ESRRG: variants seen among roughly 807,000 people sequenced by gnomAD.
ESRRG encodes the protein estrogen related receptor gamma, also known as estrogen-related receptor gamma.
ESRRG carries 13 observed loss-of-function variants against 44.0 expected under a neutral mutation model. The ratio of observed to expected loss-of-function variants is 0.30; its 90% CI spans 0.19 to 0.47. ESRRG has a LOEUF of 0.47. Among genes scored for constraint, ESRRG ranks in the 20% least tolerant of loss-of-function variants. ESRRG has a pLI of 1.00. For synonymous variants in ESRRG, 215 were observed against 214.6 expected, an observed-to-expected ratio of 1.00 and a Z score of -0.02; for missense variants, 395 against 580.6, an observed-to-expected ratio of 0.68 and a Z score of 3.29.
At chr1:216,876,960 G>A (rs977037084) in intron 2 of ESRRG, among the ~76,000 whole-genome samples, 1 of 147,614 alleles carries the variant, frequency 6.8e-6, no homozygotes, top group Non-Finnish European at 1.5e-5. Flanking sequence ...TGTCTGATTC[G>A]AGAATCTCTT....
chr1:217,117,464 A>G (rs1270593329), intron 1 of ESRRG, among the ~76,000 whole-genome samples: 1 of 152,080 alleles, frequency 6.6e-6, no homozygotes, highest in East Asian at 1.9e-4. Flanking sequence ...GCATGCCTGT[A>G]GTCCCAGGTA....
intron 1 of ESRRG, among the ~76,000 whole-genome samples, chr1:217,026,900 C>G (rs992674122): frequency 1.2e-5 from 1 of 86,290 alleles, no homozygotes; most frequent in East Asian, 3.2e-4. Flanking sequence ...CACACACACA[C>G]ACACACACAC....
intron 2 of ESRRG, among the ~76,000 whole-genome samples, chr1:216,797,939 T>C (rs2094518353): frequency 6.6e-6 from 1 of 152,078 alleles, no homozygotes; most frequent in African/African-American, 2.4e-5. Context: ...TCTATAGGGA[T>C]TATTTGGAAT....
chr1:216,656,907 G>T (rs78675395), intron 2 of ESRRG, among the ~76,000 whole-genome samples: 2,188 of 152,142 alleles, frequency 0.014, 49 homozygotes, highest in East Asian at 0.053. Flanking sequence ...TTATCCAGTT[G>T]CTTTTCAACA....
intron 2 of ESRRG, among the ~76,000 whole-genome samples, chr1:216,751,391 T>G (rs2091991735): frequency 6.6e-6 from 1 of 152,106 alleles, no homozygotes; most frequent in African/African-American, 2.4e-5. Context: ...TCATCATACT[T>G]CTGATTTATT....
At chr1:216,870,813 T>C (rs779027723) in intron 2 of ESRRG, among the ~76,000 whole-genome samples, 1 of 152,054 alleles carries the variant, frequency 6.6e-6, no homozygotes, top group Non-Finnish European at 1.5e-5. Context: ...ATCCTTTTAA[T>C]GGTTGTAGGA....
intron 2 of ESRRG, among the ~76,000 whole-genome samples, chr1:216,842,076 A>G (rs569201179): frequency 6.6e-6 from 1 of 152,326 alleles, no homozygotes; most frequent in African/African-American, 2.4e-5. Context: ...AGGCCAGAAG[A>G]TAAGCCTCTT....
chr1:216,733,811 CA>C (rs1435996734), intron 2 of ESRRG, among the ~76,000 whole-genome samples: 1 of 151,702 alleles, frequency 6.6e-6, no homozygotes, highest in Non-Finnish European at 1.5e-5. Context: ...ACAAACATAG[CA>C]AAACCCCGTC....
At chr1:216,705,999 C>T (rs1216921690) in intron 1 of ESRRG, among the ~76,000 whole-genome samples, 2 of 152,058 alleles carry the variant, frequency 1.3e-5, no homozygotes, top group African/African-American at 2.4e-5. Flanking sequence ...ATTGGCAAAT[C>T]CTTTACATGC....
chr1:216,652,693 T>C (rs2069301165), intron 2 of ESRRG, among the ~76,000 whole-genome samples: 2 of 152,094 alleles, frequency 1.3e-5, no homozygotes, highest in Admixed American at 1.3e-4. Context: ...AAACCAAGGA[T>C]AAGTCAAAGA....
intron 1 of ESRRG, among the ~76,000 whole-genome samples, chr1:216,693,672 G>A (rs1447592750): frequency 6.6e-6 from 1 of 152,232 alleles, no homozygotes; most frequent in Non-Finnish European, 1.5e-5. Context: ...AGGGAATAAT[G>A]GCAATTAAAA....
chr1:216,668,172 G>A (rs2074380909), intron 2 of ESRRG, among the ~76,000 whole-genome samples: 1 of 152,158 alleles, frequency 6.6e-6, no homozygotes, highest in African/African-American at 2.4e-5. Flanking sequence ...ACTTCTTCCA[G>A]ATCACTGTGA....
At chr1:217,040,065 G>A (rs2083568580) in intron 1 of ESRRG, among the ~76,000 whole-genome samples, 1 of 152,172 alleles carries the variant, frequency 6.6e-6, no homozygotes, top group East Asian at 1.9e-4. Context: ...GTAAGGTGAG[G>A]AATGGCAACA....
intron 1 of ESRRG, among the ~76,000 whole-genome samples, chr1:217,010,553 G>A (rs34096624): frequency 0.16 from 23,968 of 152,108 alleles, 2,470 homozygotes; most frequent in Admixed American, 0.22. Flanking sequence ...TAGAAAATCT[G>A]TTCAAATGAA....
intron 2 of ESRRG, among the ~76,000 whole-genome samples, chr1:216,753,052 A>T (rs2092172465): frequency 6.6e-6 from 1 of 152,056 alleles, no homozygotes; most frequent in Admixed American, 6.6e-5. Flanking sequence ...GATGAGGATG[A>T]TGTCTCACTT....
chr1:216,923,805 C>T (rs933163811), intron 2 of ESRRG, among the ~76,000 whole-genome samples: 1 of 152,180 alleles, frequency 6.6e-6, no homozygotes, highest in African/African-American at 2.4e-5. Flanking sequence ...TGAAGGGCCT[C>T]TTTAACACTG....
At chr1:216,557,047 A>G (rs1460078797) in intron 5 of ESRRG, among the ~76,000 whole-genome samples, 1 of 152,142 alleles carries the variant, frequency 6.6e-6, no homozygotes, top group Non-Finnish European at 1.5e-5. Context: ...CAGTGATCTG[A>G]AGAGAGTCAG....
At chr1:216,826,609 C>T (rs900378459) in intron 2 of ESRRG, among the ~76,000 whole-genome samples, 1 of 151,974 alleles carries the variant, frequency 6.6e-6, no homozygotes, top group African/African-American at 2.4e-5. Flanking sequence ...TAATTTCATC[C>T]CTATACTAAT....
chr1:216,911,703 T>C (rs535280766), intron 2 of ESRRG, among the ~76,000 whole-genome samples: 6 of 152,056 alleles, frequency 3.9e-5, no homozygotes, highest in Non-Finnish European at 7.4e-5. Context: ...GAGGGGTATA[T>C]GGAAACTCTC....
Sources: allele counts gnomAD v4.1 joint callset (sites outside exome capture counted in the v4.1 genomes callset), GRCh38; gene constraint gnomAD v4.1.1; transcripts MANE v1.5; gene names NCBI Gene and HGNC (gene_info 2026-07-23, HGNC 2026-07-21).